DCDC2C: variants seen among roughly 807,000 people sequenced by gnomAD.
DCDC2C encodes doublecortin domain-containing protein 2C.
DCDC2C carries 44 observed loss-of-function variants against 45.0 expected under a neutral mutation model. The ratio of observed to expected loss-of-function variants is 0.98; its 90% CI spans 0.77 to 1.26. The LOEUF (loss-of-function observed/expected upper bound fraction) is 1.26. DCDC2C is among the 50% of genes most tolerant of loss of function. The pLI is 0.00. For synonymous variants in DCDC2C, 187 were observed against 178.8 expected, an observed-to-expected ratio of 1.05 and a Z score of -0.37; for missense variants, 447 against 468.9, an observed-to-expected ratio of 0.95 and a Z score of 0.43.
chr2:3,740,391 G>A (rs1474297418), intron 3 of DCDC2C, among the ~76,000 whole-genome samples: 1 of 152,170 alleles, frequency 6.6e-6, no homozygotes, highest in Non-Finnish European at 1.5e-5. Context: ...TTGCCAAAGT[G>A]TCCTTCAAGA....
intron 10 of DCDC2C, among the ~76,000 whole-genome samples, chr2:3,832,876 C>T (rs1454235): frequency 0.35 from 53,775 of 152,064 alleles, 9,601 homozygotes; most frequent in South Asian, 0.4. Flanking sequence ...TTTCCAATGG[C>T]TACTGTGGCA....
chr2:3,769,169 G>T (rs13003140), intron 7 of DCDC2C, 142 bp from the exon 8 acceptor site: 141,462 of 666,520 alleles, frequency 0.21, 17,272 homozygotes, highest in South Asian at 0.34. Flanking sequence ...TGAGGCGGAC[G>T]GGGTTTGGGA....
chr2:3,732,203 T>G lies in DCDC2C; in HGVS notation c.416+5124T>G, dbSNP rs537852308. Reference sequence around the variant, plus strand: ...AAGATACAGGAATTGTGGGAGAAGATTTAGTCTGTTAGGGAGTATGAAAAG... The same window carrying G: ...AAGATACAGGAATTGTGGGAGAAGAGTTAGTCTGTTAGGGAGTATGAAAAG... On this transcript the variant is annotated intron_variant, in intron 3 of 10. Transcript: ENST00000399143. Among the ~76,000 whole-genome samples the G allele has an allele frequency of 1.1e-4, 17 of 152,006 alleles. No homozygotes were observed. The East Asian group carries it at 2.7e-3, about 24-fold the overall frequency.
At chr2:3,733,486 G>A (rs927185889) in intron 3 of DCDC2C, among the ~76,000 whole-genome samples, 1 of 152,202 alleles carries the variant, frequency 6.6e-6, no homozygotes, top group Non-Finnish European at 1.5e-5. Context: ...TTCAAGGGAG[G>A]TGTCTGTTTG....
chr2:3,836,827 A>G (rs1182180628), intron 10 of DCDC2C, among the ~76,000 whole-genome samples: 1 of 144,436 alleles, frequency 6.9e-6, no homozygotes, highest in Admixed American at 7.1e-5. Flanking sequence ...GCGCCACTGC[A>G]CTCCAGCCTG....
intron 6 of DCDC2C, among the ~76,000 whole-genome samples, chr2:3,765,019 T>C (rs542017996): frequency 2.6e-5 from 4 of 152,352 alleles, no homozygotes; most frequent in South Asian, 2.1e-4. Context: ...AAGTATTAAA[T>C]AGATATCACG....
chr2:3,704,107 G>A, intron 1 of DCDC2C, 69 bp downstream of exon 1: 1 of 1,198,554 alleles, frequency 8.3e-7, no homozygotes, highest in Non-Finnish European at 1.0e-6. Flanking sequence ...GCGTGGTCAG[G>A]GCCGTGCCCC....
Position 3,741,951 on chromosome 2 carries a change from C to G in DCDC2C, c.448C>G (p.Pro150Ala). ...TACAAATGGAAGATTATTTATTCCA[C>G]CTGCAAAAATCATTATACCCAAATT... ...VFTNGRLFIP[P>A]AKIIIPKFSL... Residue 150 changes from proline (P) to alanine (A), a missense_variant, in exon 4 of 11, where the codon CCT becomes GCT. Pro to Ala is a conservative substitution (Grantham distance 27, BLOSUM62 -1). Transcript: ENST00000399143. 6.5e-7 allele frequency: 1 copy of G among 1,548,266 alleles called. No homozygotes were observed. Among genetic ancestry groups the G allele is most frequent in the South Asian group, 1.2e-5 (1 of 83,208 alleles).
intron 10 of DCDC2C, among the ~76,000 whole-genome samples, chr2:3,826,088 T>G (rs2148228968): frequency 6.6e-6 from 1 of 152,332 alleles, no homozygotes; most frequent in Non-Finnish European, 1.5e-5. Context: ...TAGAAATTTA[T>G]ATATTCTGTA....
At position 3,847,248 on chromosome 2, in the gene DCDC2C, A is replaced by G. The variant is rs1672357695; in HGVS notation, c.*65A>G. The G allele has an allele frequency of 9.0e-7, 1 of 1,106,662 alleles. No homozygotes were observed. Among genetic ancestry groups the G allele is most frequent in the Non-Finnish European group, 1.1e-6 (1 of 873,972 alleles). The allele number at this position is 1,106,662 out of a possible 1,614,324, so 68.6% of individuals were successfully genotyped here. ...CAACCATGGGGCTTCCACGTCACATATGGACATTTTAACAGCAAGAAAATC... is the reference window on the plus strand; with the variant it reads ...CAACCATGGGGCTTCCACGTCACATGTGGACATTTTAACAGCAAGAAAATC... On this transcript the variant is annotated 3_prime_UTR_variant, in exon 11 of 11. Transcript: ENST00000399143.
chr2:3,748,493 T>C (rs1480458133), intron 4 of DCDC2C, among the ~76,000 whole-genome samples: 3 of 150,750 alleles, frequency 2.0e-5, no homozygotes, highest in Admixed American at 6.6e-5. Flanking sequence ...AAGGGGGAAG[T>C]GGGAGGAGGA....
chr2:3,708,497 T>A (rs189179085), intron 1 of DCDC2C, 52 bp from the exon 2 acceptor site: 2 of 1,415,360 alleles, frequency 1.4e-6, no homozygotes, highest in East Asian at 2.5e-5. Context: ...TCTGGAACTT[T>A]CTATGTAAAT....
chr2:3,775,032 T>C (rs1480140402), intron 8 of DCDC2C, among the ~76,000 whole-genome samples: 2 of 151,922 alleles, frequency 1.3e-5, no homozygotes, highest in African/African-American at 4.8e-5. Flanking sequence ...CCCAAAGTGC[T>C]GGGATTACAG....
At chr2:3,726,913 T>C (rs1668705832) in intron 2 of DCDC2C, 90 bp from the exon 3 acceptor site, 5 of 1,176,536 alleles carry the variant, frequency 4.2e-6, no homozygotes, top group African/African-American at 1.5e-5. Flanking sequence ...CCCTTTCTTA[T>C]GTTTTAGGGC....
At chr2:3,776,257 AAAC>A (rs1385087121) in intron 8 of DCDC2C, among the ~76,000 whole-genome samples, 1 of 152,148 alleles carries the variant, frequency 6.6e-6, no homozygotes, top group African/African-American at 2.4e-5. Flanking sequence ...TTATGAGTAA[AAAC>A]AACTCTTTCT....
intron 4 of DCDC2C, among the ~76,000 whole-genome samples, chr2:3,745,965 G>GA (rs1669349074): frequency 6.6e-6 from 1 of 152,084 alleles, no homozygotes; most frequent in Non-Finnish European, 1.5e-5. Context: ...TGATTTATTG[G>GA]ATAGTTTGAA....
At chr2:3,794,235 T>C (rs1426950116) in intron 10 of DCDC2C, among the ~76,000 whole-genome samples, 1 of 152,232 alleles carries the variant, frequency 6.6e-6, no homozygotes, top group Non-Finnish European at 1.5e-5. Flanking sequence ...CATTTAATTA[T>C]ACAATACTTA....
At position 3,818,733 on chromosome 2, in the gene DCDC2C, G is replaced by A. The variant is rs192454211; in HGVS notation, c.1066-28421G>A. On this transcript the variant is annotated intron_variant, in intron 10 of 10. Coordinates refer to ENST00000399143, the MANE Select transcript of DCDC2C (RefSeq NM_001287444.2). The surrounding 1 kb of genome is among the most constrained non-coding windows in gnomAD (Gnocchi z 4.7). Reference sequence around the variant, plus strand: ...GATCGGTCATCAAGGAGGGAGTAGAGGTGTCTTATACTTGTGGATTAAGGT... The same window carrying A: ...GATCGGTCATCAAGGAGGGAGTAGAAGTGTCTTATACTTGTGGATTAAGGT... Among the ~76,000 whole-genome samples the A allele has an allele frequency of 2.8e-4, 42 of 152,188 alleles. 1 individual carries two copies. The highest frequency in any genetic ancestry group is 6.5e-4 in the Admixed American group (10 of 15,282).
At chr2:3,799,745 G>A (rs1671062845) in intron 10 of DCDC2C, among the ~76,000 whole-genome samples, 1 of 152,280 alleles carries the variant, frequency 6.6e-6, no homozygotes, top group Admixed American at 6.5e-5. Flanking sequence ...CCAGCTGTGT[G>A]CTGGGAGAAC....
Sources: gnomAD v4.1 joint callset for allele counts (sites outside exome capture counted in the v4.1 genomes callset) on GRCh38, gnomAD v4.1.1 for gene constraint, Gnocchi (gnomAD v3.1) non-coding constraint, MANE v1.5 for transcripts, NCBI Gene and HGNC (gene_info 2026-07-23, HGNC 2026-07-21) for gene names.